MYT1: variants seen among roughly 807,000 people sequenced by gnomAD.
MYT1 encodes myelin transcription factor 1.
MYT1 carries 23 observed loss-of-function variants against 123.0 expected under a neutral mutation model. The ratio of observed to expected loss-of-function variants is 0.19; its 90% CI spans 0.13 to 0.26. The LOEUF (loss-of-function observed/expected upper bound fraction) is 0.26. Among genes scored for constraint, MYT1 ranks in the 10% least tolerant of loss-of-function variants. The pLI, the probability that MYT1 is intolerant of heterozygous loss-of-function variation, is 1.00. For missense variants in MYT1, 1,125 were observed against 1,472.5 expected (o/e 0.76, Z 3.86); for synonymous variants, 518 against 575.3 (o/e 0.90, Z 1.43).
intron 13 of MYT1, among the ~76,000 whole-genome samples, chr20:64,221,282 C>T (rs1382651305): frequency 1.3e-5 from 2 of 152,138 alleles, no homozygotes; most frequent in African/African-American, 4.8e-5. Context: ...CCTTCCTGGA[C>T]CCCTGGCCCC....
rs530521614 is a variant in MYT1, at chr20:64,167,085, T to G, written c.-99+2346T>G. Among the ~76,000 whole-genome samples the G allele has an allele frequency of 1.2e-3, 188 of 152,280 alleles. No individual in the cohort carries two copies. The highest frequency in any genetic ancestry group is 2.4e-3 in the Non-Finnish European group (160 of 68,002). On this transcript the variant is annotated intron_variant, in intron 1 of 22. Coordinates refer to ENST00000328439, the MANE Select transcript of MYT1 (RefSeq NM_004535.3). This position sits in a 1 kb window ranked among gnomAD's most constrained non-coding sequence, Gnocchi z 6.3. ...AGAGGAGACCCACACCACTCTGCACTGGGGAGACAGGGGTCAGAGCCTGAC... is the reference window on the plus strand; with the variant it reads ...AGAGGAGACCCACACCACTCTGCACGGGGGAGACAGGGGTCAGAGCCTGAC...
rs1232191990 is a variant in MYT1, at chr20:64,202,810, G to A, written c.87-2225G>A. Among the ~76,000 whole-genome samples, 7 of 152,150 alleles carry A rather than the reference G, an allele frequency of 4.6e-5. No individual in the cohort carries two copies. The highest frequency in any genetic ancestry group is 1.7e-4 in the African/African-American group (7 of 41,428). ...ACGTGCATCCTTTCCTCACATCTCTGACACCAGCCCTAGTCAGAGCTGGGG... is the reference window on the plus strand; with the variant it reads ...ACGTGCATCCTTTCCTCACATCTCTAACACCAGCCCTAGTCAGAGCTGGGG... On this transcript the variant is annotated intron_variant, in intron 4 of 22. Coordinates refer to ENST00000328439, the MANE Select transcript of MYT1 (RefSeq NM_004535.3). This position sits in a 1 kb window ranked among gnomAD's most constrained non-coding sequence, Gnocchi z 5.0.
At position 64,196,638 on chromosome 20, in the gene MYT1, A is replaced by T. The variant is rs1983130537; in HGVS notation, c.1-2224A>T. Among the ~76,000 whole-genome samples the T allele has an allele frequency of 6.6e-6, 1 of 152,190 alleles. No homozygotes were observed. The highest frequency in any genetic ancestry group is 2.4e-5 in the African/African-American group (1 of 41,436). On this transcript the variant is annotated intron_variant, in intron 2 of 22. Transcript: ENST00000328439. This position sits in a 1 kb window ranked among gnomAD's most constrained non-coding sequence, Gnocchi z 4.3. The stretch of plus-strand genomic sequence containing the variant: ...AATCAAAGCTACACGCTCCTAAGAG[A>T]ACTTCTCGCTTATTGACCAGTCAAT...
rs1568722833 is a variant in MYT1, at chr20:64,235,870, GCTGGGATGGTCATGGTGGGTGACC to G, written c.2898-675_2898-652del. On this transcript the variant is annotated intron_variant, in intron 19 of 22. Coordinates refer to ENST00000328439, the MANE Select transcript of MYT1 (RefSeq NM_004535.3). ...CCCTGGGCTGGCCGTGGTGGGTGACGCTGGGATGGTCATGGTGGGTGACCCTGGGATGGCCGCGGTGGGTGACCC... is the reference window on the plus strand; with the variant it reads ...CCCTGGGCTGGCCGTGGTGGGTGACGCTGGGATGGCCGCGGTGGGTGACCC... Among the ~76,000 whole-genome samples, 45 of 75,090 alleles carry G rather than the reference GCTGGGATGGTCATGGTGGGTGACC, an allele frequency of 6.0e-4. 3 individuals are homozygous for G. Among genetic ancestry groups the G allele is most frequent in the African/African-American group, 1.8e-3 (36 of 19,504 alleles). 49.3% of individuals were successfully genotyped at this position (75,090 alleles called of 152,430 possible).
At chr20:64,222,484 T>G (rs1984038160) in intron 14 of MYT1, among the ~76,000 whole-genome samples, 1 of 152,236 alleles carries the variant, frequency 6.6e-6, no homozygotes, top group Non-Finnish European at 1.5e-5. Context: ...CTCAACTCTG[T>G]CAGCCTGGCT....
At chr20:64,240,065 G>A (rs1202831778) in intron 22 of MYT1, among the ~76,000 whole-genome samples, 162 bp downstream of exon 22, 1 of 152,242 alleles carries the variant, frequency 6.6e-6, no homozygotes, top group East Asian at 1.9e-4. Context: ...CGGGCTGTTG[G>A]CTGTGGTGGG....
At chr20:64,235,298 C>T (rs1419378712) in intron 19 of MYT1, among the ~76,000 whole-genome samples, 2 of 91,944 alleles carry the variant, frequency 2.2e-5, no homozygotes, top group African/African-American at 1.3e-4. Context: ...TGGTGGGTGA[C>T]CCCGAGCTGG....
At chr20:64,195,395 T>C (rs1983084666) in intron 2 of MYT1, among the ~76,000 whole-genome samples, 1 of 46,416 alleles carries the variant, frequency 2.2e-5, no homozygotes, top group Non-Finnish European at 3.7e-5. Context: ...TGTGTGTGTG[T>C]GTATACTTTT....
chr20:64,201,949 TG>T (rs1983322918), intron 4 of MYT1, among the ~76,000 whole-genome samples: 1 of 30,744 alleles, frequency 3.3e-5, no homozygotes, highest in African/African-American at 1.3e-4. Context: ...CGGGAACCTC[TG>T]CGTGTCGGGA....
rs538039086 is a variant in MYT1 at position 64,166,553 on chromosome 20, C to G, written c.-99+1814C>G. 6.6e-6 allele frequency among the ~76,000 whole-genome samples: 1 copy of G among 152,118 alleles called. No individual in the cohort carries two copies. Among genetic ancestry groups the G allele is most frequent in the Non-Finnish European group, 1.5e-5 (1 of 68,008 alleles). On this transcript the variant is annotated intron_variant, in intron 1 of 22. Transcript: ENST00000328439. This position sits in a 1 kb window ranked among gnomAD's most constrained non-coding sequence, Gnocchi z 4.9. Reference sequence around the variant, plus strand: ...GGCCTGGTAGCCCTCTTCAGAGACCCGAGGCAGGGGGGCTGCTTCTGTCCA... The same window carrying G: ...GGCCTGGTAGCCCTCTTCAGAGACCGGAGGCAGGGGGGCTGCTTCTGTCCA...
rs149385175 is a variant in MYT1 at position 64,237,269 on chromosome 20, G to A, written c.2990-18G>A. 4.7e-3 allele frequency: 7,528 copies of A among 1,605,420 alleles called. 25 individuals are homozygous for A. The highest frequency in any genetic ancestry group is 6.0e-3 in the Non-Finnish European group (7,027 of 1,176,578). ...GCCTGAGGCCCAAAGCCACAACTGA[G>A]GTTTCTCTCTGGGTCAGTGTTGGAG... On this transcript the variant is annotated intron_variant, in intron 20 of 22. Transcript: ENST00000328439.
chr20:64,240,273 G>A, intron 22 of MYT1, 47 bp from the exon 23 acceptor site: 2 of 1,598,680 alleles, frequency 1.3e-6, no homozygotes, highest in Non-Finnish European at 1.7e-6. Flanking sequence ...CTGCGGTGTG[G>A]GGCCCACTGC....
intron 7 of MYT1, among the ~76,000 whole-genome samples, chr20:64,210,977 C>T (rs905811823): frequency 1.3e-5 from 2 of 152,232 alleles, no homozygotes; most frequent in Non-Finnish European, 2.9e-5. Flanking sequence ...GCACAAACTG[C>T]TATTTGGGAT....
intron 2 of MYT1, among the ~76,000 whole-genome samples, chr20:64,195,088 T>G (rs891188933): frequency 2.0e-5 from 3 of 151,370 alleles, no homozygotes; most frequent in Non-Finnish European, 4.4e-5. Context: ...TAGAGTCAGG[T>G]TTCACCATGC....
intron 3 of MYT1, 80 bp from the exon 4 acceptor site, chr20:64,199,812 A>G: frequency 6.6e-7 from 1 of 1,511,358 alleles, no homozygotes; most frequent in Non-Finnish European, 9.2e-7. Flanking sequence ...CGGCTGTTTA[A>G]CTTAGTTTAT....
rs778473833 is a variant in MYT1, at chr20:64,219,036, G to A, written c.1971+1G>A. The A allele has an allele frequency of 1.2e-6, 2 of 1,610,754 alleles. No homozygotes were observed. The highest frequency in any genetic ancestry group is 1.1e-5 in the South Asian group (1 of 90,900). ...GAAGCCACAGGACCTCCCCAGCAAG[G>A]TTAGTACATCTGCCACAGAGCCTTT... On this transcript the variant is annotated splice_donor_variant, in intron 12 of 22. Coordinates refer to ENST00000328439, the MANE Select transcript of MYT1 (RefSeq NM_004535.3). LOFTEE classifies it high-confidence loss of function.
chr20:64,231,297 C>T lies in MYT1; in HGVS notation c.2676-867C>T, dbSNP rs1984313311. Reference sequence around the variant, plus strand: ...GTTCCTGGATGACGTGGTCCCTCAGCTCCCCAAGTCCTGGTCCAGGTCCTT... The same window carrying T: ...GTTCCTGGATGACGTGGTCCCTCAGTTCCCCAAGTCCTGGTCCAGGTCCTT... On this transcript the variant is annotated intron_variant, in intron 18 of 22. Transcript: ENST00000328439. This position sits in a 1 kb window ranked among gnomAD's most constrained non-coding sequence, Gnocchi z 6.4. Among the ~76,000 whole-genome samples, 1 of 152,206 alleles carries T rather than the reference C, an allele frequency of 6.6e-6. No individual in the cohort carries two copies. Among genetic ancestry groups the T allele is most frequent in the Non-Finnish European group, 1.5e-5 (1 of 68,038 alleles).
rs528075113 is a variant in MYT1, at chr20:64,217,860, A to G, written c.1846+579A>G. Among the ~76,000 whole-genome samples the G allele has an allele frequency of 4.4e-4, 67 of 152,378 alleles. 2 individuals carry two copies. In the South Asian group the frequency reaches 0.012, roughly 28 times the overall value. ...TTTCTGGGTAATTGTACTGACAAAA[A>G]TCATTCCTACAAATCTTTAAGAACA... On this transcript the variant is annotated intron_variant, in intron 11 of 22. Transcript: ENST00000328439.
chr20:64,234,598 G>C (rs1984438910), intron 19 of MYT1, among the ~76,000 whole-genome samples: 1 of 150,046 alleles, frequency 6.7e-6, no homozygotes, highest in Non-Finnish European at 1.5e-5. Context: ...CCCTGGGCTG[G>C]CCGTGGTGGG....
Sources: gnomAD v4.1 joint callset for allele counts (sites outside exome capture counted in the v4.1 genomes callset) on GRCh38, gnomAD v4.1.1 for gene constraint, Gnocchi (gnomAD v3.1) non-coding constraint, MANE v1.5 for transcripts, NCBI Gene and HGNC (gene_info 2026-07-23, HGNC 2026-07-21) for gene names.